The following DNAH14 variants were observed in gnomAD, a reference collection of about 807,000 sequenced individuals.
DNAH14 encodes the protein axonemal beta dynein heavy chain 14.
A neutral mutation model predicts 520.9 loss-of-function variants in DNAH14; 478 were observed. The observed-to-expected ratio is 0.92, with a 90% CI of 0.85 to 0.99. The LOEUF is 0.99. Among genes scored for constraint, DNAH14 ranks in the 50% least tolerant of loss-of-function variants. The pLI is 0.00. For synonymous variants in DNAH14, 1,581 were observed against 1,757.2 expected (o/e 0.90, Z 2.51); for missense variants, 4,831 against 5,234.5 (o/e 0.92, Z 2.38).
chr1:224,962,607 C>T (rs2060912197), intron 4 of DNAH14, among the ~76,000 whole-genome samples: 2 of 152,132 alleles, frequency 1.3e-5, no homozygotes, highest in Admixed American at 1.3e-4. Flanking sequence ...TAGATAAGGG[C>T]ATGGTCAGCT....
chr1:225,052,790 G>A (rs1388965413), intron 17 of DNAH14, among the ~76,000 whole-genome samples: 1 of 152,176 alleles, frequency 6.6e-6, no homozygotes, highest in African/African-American at 2.4e-5. Context: ...AGATTCAGTT[G>A]CGTACGACAG....
chr1:224,939,703 C>A (rs2004876), intron 1 of DNAH14, among the ~76,000 whole-genome samples: 12 of 151,896 alleles, frequency 7.9e-5, no homozygotes, highest in Non-Finnish European at 1.8e-4. Context: ...AAAAACTAAT[C>A]AAAAAACATG....
chr1:225,175,752 A>G (rs1337050354), intron 36 of DNAH14, among the ~76,000 whole-genome samples: 3 of 129,246 alleles, frequency 2.3e-5, no homozygotes, highest in East Asian at 2.2e-4. Context: ...CCCCCTAACT[A>G]GAGTGCACTG....
At chr1:224,944,392 C>T (rs1414919902) in intron 1 of DNAH14, among the ~76,000 whole-genome samples, 3 of 152,078 alleles carry the variant, frequency 2.0e-5, no homozygotes, top group Non-Finnish European at 2.9e-5. Flanking sequence ...TGTCTCTGCA[C>T]GTGAGATGGG....
intron 55 of DNAH14, among the ~76,000 whole-genome samples, chr1:225,296,117 T>C (rs1436042702): frequency 6.6e-6 from 1 of 152,220 alleles, no homozygotes; most frequent in African/African-American, 2.4e-5. Context: ...TCACTGTCAC[T>C]CTATGTCTGT....
chr1:225,323,452 G>T (rs1013349365), intron 62 of DNAH14, among the ~76,000 whole-genome samples: 1 of 120,608 alleles, frequency 8.3e-6, no homozygotes, highest in African/African-American at 3.2e-5. Flanking sequence ...ACTAGGTTTT[G>T]TTGTTGTTTT....
chr1:225,195,917 A>G (rs1000246270), intron 38 of DNAH14, among the ~76,000 whole-genome samples: 1 of 152,078 alleles, frequency 6.6e-6, no homozygotes, highest in Non-Finnish European at 1.5e-5. Context: ...ATTGCCACAA[A>G]CTTTTGTAAA....
intron 44 of DNAH14, 52 bp downstream of exon 44, chr1:225,252,469 T>C: frequency 1.0e-6 from 1 of 1,003,916 alleles, no homozygotes; most frequent in Admixed American, 2.5e-5. Context: ...TTGGGTATAC[T>C]CTATTCATAA....
At chr1:225,373,414 G>A (rs1382612004) in intron 77 of DNAH14, among the ~76,000 whole-genome samples, 14 of 151,346 alleles carry the variant, frequency 9.3e-5, no homozygotes, top group African/African-American at 3.2e-4. Context: ...GCAGTGAGCC[G>A]AGGTCGCGCC....
chr1:225,292,584 T>C (rs1020462978), intron 55 of DNAH14, among the ~76,000 whole-genome samples: 1 of 152,174 alleles, frequency 6.6e-6, no homozygotes, highest in Admixed American at 6.5e-5. Flanking sequence ...ATTTTTGAGA[T>C]ATTTTGTGGT....
In DNAH14 at chr1:225,100,857, T is replaced by A; in HGVS notation, c.3840T>A (p.His1280Gln). ...AAATTCTGCAAAATTGTAATATACA[T>A]CTTGAACATATAAAGAAAAGCCTTG... ...VLEILQNCNI[H>Q]LEHIKKSLED... is the part of the protein sequence containing the mutation. Residue 1280 changes from histidine to glutamine, a missense_variant, in exon 23 of 86, where the codon CAT (histidine) becomes CAA (glutamine). Transcript: ENST00000682510. 6.6e-7 allele frequency: 1 copy of A among 1,514,428 alleles called. No homozygotes were observed. The highest frequency in any genetic ancestry group is 8.8e-7 in the Non-Finnish European group (1 of 1,136,836). 93.8% of individuals were successfully genotyped at this position (1,514,428 alleles called of 1,614,324 possible).
At chr1:225,185,907 C>T (rs2084646700) in intron 37 of DNAH14, among the ~76,000 whole-genome samples, 1 of 118,746 alleles carries the variant, frequency 8.4e-6, no homozygotes. Context: ...ATAAATATTC[C>T]TTTTCACACT....
At position 224,973,267 on chromosome 1, in the gene DNAH14, G is replaced by A. The variant is rs141438477; in HGVS notation, c.768-824G>A. On this transcript the variant is annotated intron_variant, in intron 7 of 85. Coordinates refer to ENST00000682510, the MANE Select transcript of DNAH14 (RefSeq NM_001367479.1). ...CAAAATTAGCCAACGTCATCACTAG[G>A]ATTGGCTGTTTGGTTGGCTTCTCAG... 7.0e-3 allele frequency among the ~76,000 whole-genome samples: 1,060 copies of A among 152,208 alleles called. 8 individuals carry two copies. The highest frequency in any genetic ancestry group is 0.024 in the African/African-American group (992 of 41,496).
Position 224,929,784 on chromosome 1 carries a change from C to G in DNAH14, c.-85C>G, listed in dbSNP as rs945958421. ...GCTCGCCGGCGTGGGCGGGCCGGAC[C>G]TTCGCCGCTTCCAGGAAGGGCCACA... On this transcript the variant is annotated 5_prime_UTR_variant, in exon 1 of 86. Transcript: ENST00000682510. 5.7e-6 allele frequency: 4 copies of G among 700,906 alleles called. No individual in the cohort carries two copies. Among genetic ancestry groups the G allele is most frequent in the Middle Eastern group, 2.3e-4 (1 of 4,362 alleles). The allele number at this position is 700,906 out of a possible 1,614,324, so 43.4% of individuals were successfully genotyped here.
intron 60 of DNAH14, among the ~76,000 whole-genome samples, chr1:225,318,125 G>C (rs1036748027): frequency 6.6e-6 from 1 of 152,178 alleles, no homozygotes; most frequent in East Asian, 1.9e-4. Flanking sequence ...ATTCCTAATT[G>C]ATTGCAGTTC....
At chr1:225,169,152 C>T (rs1280487858) in intron 36 of DNAH14, among the ~76,000 whole-genome samples, 1 of 152,160 alleles carries the variant, frequency 6.6e-6, no homozygotes, top group African/African-American at 2.4e-5. Context: ...CTGTACATCA[C>T]CATCATCAAA....
chr1:224,976,857 T>TG (rs2125668288), intron 8 of DNAH14, among the ~76,000 whole-genome samples: 1 of 151,864 alleles, frequency 6.6e-6, no homozygotes, highest in South Asian at 2.1e-4. Context: ...AGAGAGGATG[T>TG]GGAGAAATAG....
At chr1:225,385,470 C>T (rs548362133) in intron 81 of DNAH14, among the ~76,000 whole-genome samples, 3 of 152,196 alleles carry the variant, frequency 2.0e-5, no homozygotes, top group Admixed American at 2.0e-4. Flanking sequence ...GATTGTATAT[C>T]TAGAAAACCC....
chr1:225,192,684 G>C lies in DNAH14; in HGVS notation c.5671-12G>C. ...GTTAATGTCTTTAAAAACTACACTG[G>C]ATTTTTCCCAGATTTCAGAAAGAAA... is the stretch of plus-strand genomic sequence containing the variant. On this transcript the variant is annotated splice_polypyrimidine_tract_variant and intron_variant, in intron 37 of 85. Transcript: ENST00000682510. 2 of 1,532,464 alleles carry C rather than the reference G, an allele frequency of 1.3e-6. No homozygotes were observed. The highest frequency in any genetic ancestry group is 8.8e-7 in the Non-Finnish European group (1 of 1,131,738). 94.9% of individuals were successfully genotyped at this position (1,532,464 alleles called of 1,614,324 possible). A position where few individuals can be genotyped will look rare whatever the true frequency, so the allele number is the denominator to read the frequency against.
Sources: allele counts gnomAD v4.1 joint callset (sites outside exome capture counted in the v4.1 genomes callset), GRCh38; gene constraint gnomAD v4.1.1; transcripts MANE v1.5; gene names NCBI Gene and HGNC (gene_info 2026-07-23, HGNC 2026-07-21).